The following AGO1 variants were observed in gnomAD, a reference collection of about 807,000 sequenced individuals.
AGO1 encodes protein argonaute-1.
In AGO1, 11 loss-of-function variants were observed where a neutral mutation model predicts 109.2. That is an observed-to-expected ratio of 0.10 (90% confidence interval 0.06 to 0.17). The LOEUF (loss-of-function observed/expected upper bound fraction) is 0.17, where lower values mean the gene tolerates loss of function less well. AGO1 is among the 10% of genes least tolerant of loss of function. AGO1 has a pLI of 1.00. For synonymous variants in AGO1, 422 were observed against 418.6 expected (o/e 1.01, Z -0.10); for missense variants, 574 against 1,140.3 (o/e 0.50, Z 7.15).
At chr1:35,902,477 T>G in intron 11 of AGO1, 140 bp downstream of exon 11, 8 of 1,140,356 alleles carry the variant, frequency 7.0e-6, no homozygotes, top group Non-Finnish European at 9.3e-6. Flanking sequence ...TGGCTCAAAC[T>G]TCTACCAATT....
intron 12 of AGO1, among the ~76,000 whole-genome samples, chr1:35,909,463 C>A (rs1254123527): frequency 6.6e-6 from 1 of 152,214 alleles, no homozygotes; most frequent in Non-Finnish European, 1.5e-5. Context: ...CATTTCTTGT[C>A]TGTGGTTTTC....
At position 35,890,444 on chromosome 1, in the gene AGO1, G is replaced by A. The variant is rs541667978; in HGVS notation, c.209+1834G>A. On this transcript the variant is annotated intron_variant, in intron 2 of 18. Coordinates refer to ENST00000373204, the MANE Select transcript of AGO1 (RefSeq NM_012199.5). ...TTCTTTATACATTGTTCTATACTTT[G>A]CATTTTTCCACTTAACAATATATTT... Among the ~76,000 whole-genome samples, 90 of 152,138 alleles carry A rather than the reference G, an allele frequency of 5.9e-4. 1 individual carries two copies. In the South Asian group the frequency reaches 0.018, roughly 31 times the overall value.
chr1:35,891,067 G>A (rs1336389572), intron 2 of AGO1, among the ~76,000 whole-genome samples: 2 of 152,146 alleles, frequency 1.3e-5, no homozygotes, highest in Non-Finnish European at 2.9e-5. Context: ...AGACAAGTAC[G>A]GGGTCTGGAG....
rs1296892881 is a variant in AGO1, at chr1:35,883,728, G to T, written c.25+282G>T. On this transcript the variant is annotated intron_variant, in intron 1 of 18. Coordinates refer to ENST00000373204, the MANE Select transcript of AGO1 (RefSeq NM_012199.5). The surrounding 1 kb of genome is among the most constrained non-coding windows in gnomAD (Gnocchi z 5.4). ...CGCACGGAAGGACTCCCAGACATCC[G>T]TGGAGGCCTACGGAGAGGCCCGGCA... 4.6e-5 allele frequency among the ~76,000 whole-genome samples: 7 copies of T among 152,210 alleles called. No individual in the cohort carries two copies. The highest frequency in any genetic ancestry group is 1.4e-4 in the African/African-American group (6 of 41,460).
At position 35,892,614 on chromosome 1, in the gene AGO1, G is replaced by A; in HGVS notation, c.267G>A (p.Lys89=). Reference sequence around the variant, plus strand: ...AGCCTCAGATCTTTGGTGATCGCAAGCCTGTGTATGATGGAAAGAAGAACA... The same window carrying A: ...AGCCTCAGATCTTTGGTGATCGCAAACCTGTGTATGATGGAAAGAAGAACA... ...HFKPQIFGDR[K]PVYDGKKNIY... Residue 89 remains lysine, a synonymous_variant, in exon 3 of 19, where the codon AAG becomes AAA. Coordinates refer to ENST00000373204, the MANE Select transcript of AGO1 (RefSeq NM_012199.5). 1 of 1,614,252 alleles carries A rather than the reference G, an allele frequency of 6.2e-7. No homozygotes were observed. The highest frequency in any genetic ancestry group is 8.5e-7 in the Non-Finnish European group (1 of 1,180,050).
upstream of AGO1, chr1:35,882,727 G>C: frequency 1.3e-6 from 1 of 792,274 alleles, no homozygotes; most frequent in South Asian, 5.7e-5. The surrounding 1 kb of genome is among the most constrained non-coding windows in gnomAD (Gnocchi z 5.1). Flanking sequence ...GTGGAAGAGG[G>C]GGTGGCGTCA....
chr1:35,903,617 A>T (rs1192599840), intron 11 of AGO1, among the ~76,000 whole-genome samples: 1 of 152,018 alleles, frequency 6.6e-6, no homozygotes, highest in African/African-American at 2.4e-5. Context: ...GCTACTCAGG[A>T]GGCTGAGGCA....
In AGO1 at chr1:35,893,605, C is replaced by T. The variant is rs553346713; in HGVS notation, c.513-69C>T. ...CCTGCCTTTCAGGCCAGGGCTCCTC[C>T]GTGCCCAGGATGCCTCACAGGGTGG... On this transcript the variant is annotated intron_variant, in intron 4 of 18. Transcript: ENST00000373204. The surrounding 1 kb of genome is among the most constrained non-coding windows in gnomAD (Gnocchi z 5.6). The T allele has an allele frequency of 1.7e-3, 2,570 of 1,494,900 alleles. 1 individual carries two copies. Among genetic ancestry groups the T allele is most frequent in the Non-Finnish European group, 2.2e-3 (2,460 of 1,109,720 alleles). 92.6% of individuals were successfully genotyped at this position (1,494,900 alleles called of 1,614,324 possible).
At chr1:35,890,967 A>G (rs1012575256) in intron 2 of AGO1, among the ~76,000 whole-genome samples, 1 of 152,198 alleles carries the variant, frequency 6.6e-6, no homozygotes, top group African/African-American at 2.4e-5. Context: ...ACACACATAT[A>G]AATATGTTTG....
intron 1 of AGO1, among the ~76,000 whole-genome samples, chr1:35,871,738 T>G (rs1644952814): frequency 6.6e-6 from 1 of 151,656 alleles, no homozygotes; most frequent in Admixed American, 6.6e-5. Context: ...GCCCTTTTCT[T>G]CTGTGAAAGA....
At position 35,907,097 on chromosome 1, in the gene AGO1, G is replaced by A; in HGVS notation, c.1560G>A (p.Leu520=). ...YSGLQLIIVI[L]PGKTPVYAEV... is the part of the protein sequence containing the mutation. Reference sequence around the variant, plus strand: ...GGCTGCAGCTCATTATTGTCATCCTGCCAGGGAAGACGCCGGTGTATGGTA... The same window carrying A: ...GGCTGCAGCTCATTATTGTCATCCTACCAGGGAAGACGCCGGTGTATGGTA... Residue 520 remains leucine (L), a synonymous_variant, in exon 12 of 19, where the codon CTG becomes CTA. Coordinates refer to ENST00000373204, the MANE Select transcript of AGO1 (RefSeq NM_012199.5). The A allele has an allele frequency of 1.2e-6, 2 of 1,613,664 alleles. No homozygotes were observed. The highest frequency in any genetic ancestry group is 1.7e-6 in the Non-Finnish European group (2 of 1,179,782).
rs1389168609 is a variant in AGO1 at position 35,888,478 on chromosome 1, G to T, written c.77G>T (p.Arg26Leu). The T allele has an allele frequency of 6.2e-7, 1 of 1,614,200 alleles. No individual in the cohort carries two copies. Among genetic ancestry groups the T allele is most frequent in the Non-Finnish European group, 8.5e-7 (1 of 1,180,038 alleles). Residue 26 changes from arginine to leucine, a missense_variant, in exon 2 of 19, where the codon CGG (arginine) becomes CTG (leucine). Arg to Leu is a moderately radical substitution (Grantham distance 102). Around this residue, in one of 8 missense-constraint regions of AGO1, gnomAD observed 89 missense variants for 109.6 expected, o/e 0.81. Coordinates refer to ENST00000373204, the MANE Select transcript of AGO1 (RefSeq NM_012199.5). This position sits in a 1 kb window ranked among gnomAD's most constrained non-coding sequence, Gnocchi z 4.1. Reference protein sequence around the residue: ...PLQQVFQAPRRPGIGTVGKPI... With the variant: ...PLQQVFQAPRLPGIGTVGKPI... ...CAGCAGGTGTTCCAGGCACCTCGCC[G>T]GCCTGGCATTGGCACTGTGGGGAAA... is the stretch of plus-strand genomic sequence containing the variant.
intron 11 of AGO1, among the ~76,000 whole-genome samples, chr1:35,902,941 T>C (rs1318298635): frequency 6.6e-6 from 1 of 151,274 alleles, no homozygotes; most frequent in Non-Finnish European, 1.5e-5. Flanking sequence ...TATAGCCAAA[T>C]GGTTTAAAGA....
intron 12 of AGO1, among the ~76,000 whole-genome samples, chr1:35,913,098 CA>C (rs1645668590): frequency 1.3e-5 from 2 of 151,408 alleles, no homozygotes; most frequent in Non-Finnish European, 2.9e-5. Context: ...CGGCTCACTA[CA>C]AGCTCCACCT....
intron 8 of AGO1, among the ~76,000 whole-genome samples, chr1:35,899,365 T>C (rs1261364539): frequency 1.3e-5 from 2 of 152,230 alleles, no homozygotes; most frequent in Non-Finnish European, 2.9e-5. Flanking sequence ...GTAAAAATAT[T>C]TGTTGAAGTT....
rs553099970 is a variant in AGO1, at chr1:35,883,500, G to C, written c.25+54G>C. 1.3e-6 allele frequency: 2 copies of C among 1,486,996 alleles called. No individual in the cohort carries two copies. Among genetic ancestry groups the C allele is most frequent in the Non-Finnish European group, 1.8e-6 (2 of 1,121,542 alleles). 92.1% of individuals were successfully genotyped at this position (1,486,996 alleles called of 1,614,324 possible). ...CATGCTCCAAGGACTGGGGGATCCC[G>C]CATGAAAAGCGTGGTTTCCAAGTGA... On this transcript the variant is annotated intron_variant, in intron 1 of 18. Transcript: ENST00000373204. The surrounding 1 kb of genome is among the most constrained non-coding windows in gnomAD (Gnocchi z 5.4).
Position 35,925,000 on chromosome 1 carries a change from T to C in AGO1, c.*5393T>C, listed in dbSNP as rs2148729767. The C allele has an allele frequency of 6.6e-6, 1 of 152,168 alleles. No homozygotes were observed. Among genetic ancestry groups the C allele is most frequent in the African/African-American group, 2.4e-5 (1 of 41,510 alleles). 9.4% of individuals were successfully genotyped at this position (152,168 alleles called of 1,614,324 possible). A position where few individuals can be genotyped will look rare whatever the true frequency, so the allele number is the denominator to read the frequency against. ...TAGAAAAAGAGAAGAGAAACTAGTA[T>C]ACAGCCCCCTAAGAAACTCAATTTA... On this transcript the variant is annotated 3_prime_UTR_variant, in exon 19 of 19. Coordinates refer to ENST00000373204, the MANE Select transcript of AGO1 (RefSeq NM_012199.5).
intron 1 of AGO1, among the ~76,000 whole-genome samples, chr1:35,871,227 T>G (rs1188061181): frequency 7.2e-6 from 1 of 138,072 alleles, no homozygotes; most frequent in Non-Finnish European, 1.7e-5. Flanking sequence ...GATGTCTCAT[T>G]GTGGTCTTTG....
At chr1:35,909,441 A>C (rs1352446881) in intron 12 of AGO1, among the ~76,000 whole-genome samples, 1 of 152,082 alleles carries the variant, frequency 6.6e-6, no homozygotes, top group African/African-American at 2.4e-5. Flanking sequence ...TGTAGCTGAC[A>C]CTCTGAGTGC....
Sources: gnomAD v4.1 joint callset for allele counts (sites outside exome capture counted in the v4.1 genomes callset) on GRCh38, gnomAD v4.1.1 for gene constraint, gnomAD v4.1.1 regional missense constraint, Gnocchi (gnomAD v3.1) non-coding constraint, MANE v1.5 for transcripts, NCBI Gene and HGNC (gene_info 2026-07-23, HGNC 2026-07-21) for gene names.